Variants in ZBTB4 observed in about 807,000 individuals in gnomAD.
The protein encoded by ZBTB4 is zinc finger and BTB domain-containing protein 4.
A neutral mutation model predicts 59.8 loss-of-function variants in ZBTB4; 14 were observed. The observed-to-expected ratio is 0.23, with a 90% CI of 0.15 to 0.37. ZBTB4 has a LOEUF of 0.37. Ranked by LOEUF, ZBTB4 falls within the 10% of genes least tolerant of loss-of-function variation. The probability of loss-of-function intolerance (pLI) is 1.00; values close to 1 mark genes in which losing one functional copy is unlikely to be tolerated. For synonymous variants in ZBTB4, 587 were observed against 575.2 expected (o/e 1.02, Z -0.29); for missense variants, 1,198 against 1,380.8 (o/e 0.87, Z 2.10).
At chr17:7,476,081 C>T (rs1337635153) in intron 1 of ZBTB4, among the ~76,000 whole-genome samples, 1 of 152,304 alleles carries the variant, frequency 6.6e-6, no homozygotes, top group East Asian at 1.9e-4. Flanking sequence ...TTCGATAGCT[C>T]AGGTCCTTGT....
chr17:7,466,796 G>T lies in ZBTB4; in HGVS notation c.6C>A (p.Pro2=), dbSNP rs1356679272. M[P]PPAEVTDPSH... ...ACGGGTCCGTCACCTCTGCAGGGGG[G>T]GGCATGGTGCCAGCCTAGACAGTGG... Residue 2 remains proline (P), a synonymous_variant, in exon 3 of 4, where the codon CCC becomes CCA. Transcript: ENST00000380599. The surrounding 1 kb of genome is among the most constrained non-coding windows in gnomAD (Gnocchi z 9.1). The T allele has an allele frequency of 5.8e-6, 9 of 1,562,184 alleles. No individual in the cohort carries two copies. The highest frequency in any genetic ancestry group is 1.2e-5 in the South Asian group (1 of 85,074).
chr17:7,466,431 C>T lies in ZBTB4; in HGVS notation c.371G>A (p.Arg124Gln), dbSNP rs1342000870. 3 of 1,611,762 alleles carry T rather than the reference C, an allele frequency of 1.9e-6. No individual in the cohort carries two copies. The highest frequency in any genetic ancestry group is 2.2e-5 in the East Asian group (1 of 44,782). The change falls in exon 3 of 4, where the codon CGG becomes CAG. Residue 124 changes from arginine (R) to glutamine (Q), a missense_variant. This residue lies in a region of ZBTB4 where 83 missense variants were observed against 76.5 expected (regional missense o/e 1.09). Transcript: ENST00000380599. This position sits in a 1 kb window ranked among gnomAD's most constrained non-coding sequence, Gnocchi z 9.1. The stretch of plus-strand genomic sequence containing the variant: ...TGGGACTCCTGGCAACTCCAGGACC[C>T]GGGGTGGGGAAGAAGCAGGGGGAGA... Reference protein sequence around the residue: ...PASPPASSPPRVLELPGVPAA... With the variant: ...PASPPASSPPQVLELPGVPAA...
intron 3 of ZBTB4, among the ~76,000 whole-genome samples, chr17:7,464,354 GA>G (rs1181509918): frequency 1.7e-5 from 1 of 58,260 alleles, no homozygotes; most frequent in African/African-American, 4.0e-5. Flanking sequence ...ATGAACCCTG[GA>G]GGTGAGGTTG....
Position 7,465,972 on chromosome 17 carries a change from C to T in ZBTB4, c.830G>A (p.Gly277Asp), listed in dbSNP as rs1275840125. 2 of 1,601,082 alleles carry T rather than the reference C, an allele frequency of 1.2e-6. No individual in the cohort carries two copies. Among genetic ancestry groups the T allele is most frequent in the South Asian group, 1.1e-5 (1 of 90,282 alleles). Residue 277 changes from glycine to aspartate, a missense_variant, in exon 3 of 4, where the codon GGT (glycine) becomes GAT (aspartate). Transcript: ENST00000380599. ...GLGAGGAGPG[G>D]PAGVDASALP... ...GGCTGAGGCGTCCACCCCTGCAGGACCACCAGGGCCAGCGCCCCCAGCTCC... is the reference window on the plus strand; with the variant it reads ...GGCTGAGGCGTCCACCCCTGCAGGATCACCAGGGCCAGCGCCCCCAGCTCC...
Position 7,463,884 on chromosome 17 carries a change from C to T in ZBTB4, c.1098G>A (p.Gln366=). The change falls in exon 4 of 4, where the codon CAG becomes CAA. Residue 366 remains glutamine, a synonymous_variant. Coordinates refer to ENST00000380599, the MANE Select transcript of ZBTB4 (RefSeq NM_001128833.2). ...CAAAGGTCTCCCAACAGAAGATGCA[C>T]TGGTACCTGGGTCAGGACAGCAGGG... ...EVWHTGERRY[Q]CIFCWETFVT... The T allele has an allele frequency of 1.2e-6, 2 of 1,612,720 alleles. No individual in the cohort carries two copies. Among genetic ancestry groups the T allele is most frequent in the Non-Finnish European group, 1.7e-6 (2 of 1,179,446 alleles).
At chr17:7,467,732 C>T (rs908787375) in intron 1 of ZBTB4, among the ~76,000 whole-genome samples, 1 of 152,218 alleles carries the variant, frequency 6.6e-6, no homozygotes, top group Non-Finnish European at 1.5e-5. Context: ...TGCATGTTGT[C>T]ATTTATCACA....
At position 7,478,510 on chromosome 17, in the gene ZBTB4, C is replaced by T. The variant is rs532201922; in HGVS notation, c.-81+946G>A. Among the ~76,000 whole-genome samples, 38 of 152,248 alleles carry T rather than the reference C, an allele frequency of 2.5e-4. No homozygotes were observed. The South Asian group carries it at 7.5e-3, about 30-fold the overall frequency. ...CCACAGAAATGGGACCCAGACGTGA[C>T]GCCTTCTGACTCAAAGGCCCACAAC... On this transcript the variant is annotated intron_variant, in intron 1 of 3. Transcript: ENST00000380599.
upstream of ZBTB4, among the ~76,000 whole-genome samples, chr17:7,483,848 C>T (rs2070378566): frequency 6.6e-6 from 1 of 152,240 alleles, no homozygotes; most frequent in Non-Finnish European, 1.5e-5. Context: ...GAGATGCCCA[C>T]CCGTCTCCGG....
Position 7,466,189 on chromosome 17 carries a change from G to T in ZBTB4, c.613C>A (p.Pro205Thr). 6.2e-7 allele frequency: 1 copy of T among 1,613,310 alleles called. No homozygotes were observed. The highest frequency in any genetic ancestry group is 8.5e-7 in the Non-Finnish European group (1 of 1,179,924). Reference sequence around the variant, plus strand: ...CACTCCCCAGCTGGCCTGGGCCCGGGCCCAAAGCTGTCCTCTTCAGGCTGC... The same window carrying T: ...CACTCCCCAGCTGGCCTGGGCCCGGTCCCAAAGCTGTCCTCTTCAGGCTGC... ...TSQPEEDSFG[P>T]GPRPAGEWEG... is the part of the protein sequence containing the mutation. Residue 205 changes from proline to threonine, a missense_variant, in exon 3 of 4, where the codon CCC becomes ACC. Physicochemically the swap from Pro to Thr is conservative, Grantham distance 38. Coordinates refer to ENST00000380599, the MANE Select transcript of ZBTB4 (RefSeq NM_001128833.2). The surrounding 1 kb of genome is among the most constrained non-coding windows in gnomAD (Gnocchi z 9.1).
intron 1 of ZBTB4, among the ~76,000 whole-genome samples, chr17:7,472,478 C>T (rs1406915239): frequency 3.3e-5 from 5 of 150,958 alleles, no homozygotes; most frequent in Admixed American, 2.6e-4. Flanking sequence ...CATGAGCCAC[C>T]GCGCCCAGCC....
At position 7,465,748 on chromosome 17, in the gene ZBTB4, G is replaced by A. The variant is rs771844823; in HGVS notation, c.1054C>T (p.Arg352Cys). ...CEKVFALAEY[R>C]TKHEVWHTGE... ...GTGTGCCACACTTCATGCTTCGTGC[G>A]GTACTCCGCCAGAGCAAACACTTTC... Residue 352 changes from arginine to cysteine, a missense_variant, in exon 3 of 4, where the codon CGC (arginine) becomes TGC (cysteine). Transcript: ENST00000380599. 1 of 1,613,228 alleles carries A rather than the reference G, an allele frequency of 6.2e-7. No individual in the cohort carries two copies. Among genetic ancestry groups the A allele is most frequent in the Non-Finnish European group, 8.5e-7 (1 of 1,179,362 alleles).
Position 7,461,284 on chromosome 17 carries a change from G to A in ZBTB4, c.*656C>T, listed in dbSNP as rs1229015538. The A allele has an allele frequency of 3.3e-5, 5 of 152,824 alleles. No individual in the cohort carries two copies. Among genetic ancestry groups the A allele is most frequent in the African/African-American group, 1.2e-4 (5 of 41,570 alleles). The allele number at this position is 152,824 out of a possible 1,614,324, so 9.5% of individuals were successfully genotyped here. A position where few individuals can be genotyped will look rare whatever the true frequency, so the allele number is the denominator to read the frequency against. On this transcript the variant is annotated 3_prime_UTR_variant, in exon 4 of 4. Coordinates refer to ENST00000380599, the MANE Select transcript of ZBTB4 (RefSeq NM_001128833.2). Reference sequence around the variant, plus strand: ...CCCTCCCCCAAACCTCCTTGACCTGGCTTGGGAGAGGCCATCTCCGAAGTC... The same window carrying A: ...CCCTCCCCCAAACCTCCTTGACCTGACTTGGGAGAGGCCATCTCCGAAGTC...
In ZBTB4 at chr17:7,462,973, TAGG is replaced by T. The variant is rs753410979; in HGVS notation, c.2006_2008del (p.Ser669del). 51 of 1,608,382 alleles carry T rather than the reference TAGG, an allele frequency of 3.2e-5. No individual in the cohort carries two copies. The highest frequency in any genetic ancestry group is 1.9e-4 in the South Asian group (17 of 90,394). On this transcript the variant is annotated inframe_deletion, in exon 4 of 4. Transcript: ENST00000380599. This position sits in a 1 kb window ranked among gnomAD's most constrained non-coding sequence, Gnocchi z 7.5. Reference sequence around the variant, plus strand: ...AGCTCCAGCCTTGCGCTTAGGCTTGTAGGAGTAGTAGGGCCTCCAGAGCTGGTC... The same window carrying T: ...AGCTCCAGCCTTGCGCTTAGGCTTGTAGTAGTAGGGCCTCCAGAGCTGGTC...
chr17:7,467,752 T>C (rs571548329), intron 1 of ZBTB4, among the ~76,000 whole-genome samples: 1 of 152,332 alleles, frequency 6.6e-6, no homozygotes, highest in East Asian at 1.9e-4. Context: ...AATGGTCTCA[T>C]TTACATATCA....
rs1425261790 is a variant in ZBTB4, at chr17:7,461,021, A to C, written c.*919T>G. ...TGGGAGAAACCATCAGGAAAAAAAA[A>C]CAGGGAGAAAGTAGATTCCCTTCTC... On this transcript the variant is annotated 3_prime_UTR_variant, in exon 4 of 4. Transcript: ENST00000380599. 3.3e-5 allele frequency: 5 copies of C among 152,650 alleles called. No homozygotes were observed. Among genetic ancestry groups the C allele is most frequent in the Non-Finnish European group, 7.3e-5 (5 of 68,054 alleles). The allele number at this position is 152,650 out of a possible 1,614,324, so 9.5% of individuals were successfully genotyped here. A position where few individuals can be genotyped will look rare whatever the true frequency, so the allele number is the denominator to read the frequency against.
At chr17:7,478,143 C>A (rs1167486708) in intron 1 of ZBTB4, among the ~76,000 whole-genome samples, 2 of 152,174 alleles carry the variant, frequency 1.3e-5, no homozygotes, top group Admixed American at 6.6e-5. Context: ...CCTCCCTCCC[C>A]ACATGTGTTT....
upstream of ZBTB4, among the ~76,000 whole-genome samples, chr17:7,481,089 G>T (rs781306442): frequency 5.3e-5 from 8 of 151,708 alleles, no homozygotes; most frequent in Admixed American, 2.0e-4. Context: ...AACCCAGGAG[G>T]TGGAGGTTGC....
rs777062831 is a variant in ZBTB4, at chr17:7,463,287, T to C, written c.1695A>G (p.Gly565=). The change falls in exon 4 of 4, where the codon GGA becomes GGG. Residue 565 remains glycine (G), a synonymous_variant. Transcript: ENST00000380599. ...GCTTGGCTGTGTAAGTCAGAGTCCT[T>C]CCAGCCCGTGGATTCCGGCCCTTGG... ...EEAKGRNPRA[G]RTLTYTAKPV... 1.2e-6 allele frequency: 2 copies of C among 1,610,926 alleles called. No homozygotes were observed. Among genetic ancestry groups the C allele is most frequent in the South Asian group, 1.1e-5 (1 of 90,398 alleles).
chr17:7,482,241 T>C, upstream of ZBTB4: 1 of 1,614,016 alleles, frequency 6.2e-7, no homozygotes, highest in Non-Finnish European at 8.5e-7. Context: ...ATTGCCCTGC[T>C]ACTTAAACTG....
Sources: gnomAD v4.1 joint callset for allele counts (sites outside exome capture counted in the v4.1 genomes callset) on GRCh38, gnomAD v4.1.1 for gene constraint, gnomAD v4.1.1 regional missense constraint, Gnocchi (gnomAD v3.1) non-coding constraint, MANE v1.5 for transcripts, NCBI Gene and HGNC (gene_info 2026-07-23, HGNC 2026-07-21) for gene names.